Variants in MGAT4C observed in about 807,000 individuals in gnomAD.
The protein encoded by MGAT4C is alpha-1,3-mannosyl-glycoprotein 4-beta-N-acetylglucosaminyltransferase C.
Under a neutral mutation model 40.1 loss-of-function variants are expected in MGAT4C, and 19 were observed. The observed-to-expected ratio is 0.47, with a 90% CI of 0.33 to 0.70. MGAT4C has a LOEUF of 0.70. Ranked by LOEUF, MGAT4C falls within the 30% of genes least tolerant of loss-of-function variation. The pLI, the probability that MGAT4C is intolerant of heterozygous loss-of-function variation, is 0.02. For synonymous variants in MGAT4C, 181 were observed against 187.1 expected (o/e 0.97, Z 0.27); for missense variants, 491 against 563.2 (o/e 0.87, Z 1.30).
intron 3 of MGAT4C, among the ~76,000 whole-genome samples, chr12:86,405,883 C>G (rs1252782663): frequency 1.4e-5 from 2 of 142,608 alleles, no homozygotes; most frequent in Non-Finnish European, 3.0e-5. Flanking sequence ...ACAAATGGTG[C>G]TGAAACAACT....
At chr12:86,434,730 A>G (rs185687444) in intron 3 of MGAT4C, among the ~76,000 whole-genome samples, 2 of 152,070 alleles carry the variant, frequency 1.3e-5, no homozygotes, top group South Asian at 2.1e-4. Flanking sequence ...TCTGCAAGTG[A>G]ATCCAAAGGC....
intron 2 of MGAT4C, among the ~76,000 whole-genome samples, chr12:86,492,954 AAAAC>A (rs1164535112): frequency 2.6e-5 from 4 of 152,062 alleles, no homozygotes; most frequent in East Asian, 1.9e-4. Flanking sequence ...TTACAAGAAA[AAAAC>A]AAACAACCCC....
chr12:86,549,672 C>A (rs571199204), intron 2 of MGAT4C, among the ~76,000 whole-genome samples: 2 of 152,128 alleles, frequency 1.3e-5, no homozygotes, highest in Non-Finnish European at 2.9e-5. Flanking sequence ...GTCAGCAAGA[C>A]GCCTCAGAAG....
intron 1 of MGAT4C, among the ~76,000 whole-genome samples, chr12:86,232,635 G>A (rs1302976173): frequency 2.0e-5 from 3 of 152,140 alleles, no homozygotes; most frequent in East Asian, 1.9e-4. Flanking sequence ...GAAGGGAGCC[G>A]AATACAAGTG....
chr12:86,220,881 A>G (rs1333630791), intron 1 of MGAT4C, among the ~76,000 whole-genome samples: 1 of 152,216 alleles, frequency 6.6e-6, no homozygotes, highest in Admixed American at 6.5e-5. Flanking sequence ...CTGGCTTAGC[A>G]TAATGTAAAT....
chr12:86,664,740 C>A (rs1296858569), intron 2 of MGAT4C, among the ~76,000 whole-genome samples: 2 of 152,146 alleles, frequency 1.3e-5, no homozygotes, highest in Admixed American at 6.5e-5. Context: ...CAAATTACTA[C>A]AAATCTGTAG....
chr12:86,540,642 A>G (rs1452585468), intron 2 of MGAT4C, among the ~76,000 whole-genome samples: 1 of 152,158 alleles, frequency 6.6e-6, no homozygotes, highest in African/African-American at 2.4e-5. Context: ...AGGCTGAGGC[A>G]GAAGAATCTC....
intron 2 of MGAT4C, among the ~76,000 whole-genome samples, chr12:86,491,536 G>C (rs1958135288): frequency 6.6e-6 from 1 of 151,854 alleles, no homozygotes; most frequent in Non-Finnish European, 1.5e-5. Context: ...CAGAACCAAA[G>C]ACAAAAACCA....
At chr12:86,198,122 A>C (rs1326743836) in intron 1 of MGAT4C, among the ~76,000 whole-genome samples, 2 of 152,214 alleles carry the variant, frequency 1.3e-5, no homozygotes, top group South Asian at 2.1e-4. Context: ...TAATGGAATA[A>C]AGTTTAGTAA....
intron 2 of MGAT4C, among the ~76,000 whole-genome samples, chr12:86,696,801 T>C (rs978647576): frequency 6.6e-6 from 1 of 152,188 alleles, no homozygotes; most frequent in Non-Finnish European, 1.5e-5. Flanking sequence ...AGTTTTTTTT[T>C]AATATGAGCC....
chr12:86,036,815 G>A (rs879896608), intron 2 of MGAT4C, among the ~76,000 whole-genome samples: 1 of 149,994 alleles, frequency 6.7e-6, no homozygotes, highest in Non-Finnish European at 1.5e-5. Context: ...CATAAAATGA[G>A]TTAGGGAGGT....
chr12:86,836,930 T>A (rs1436157658), intron 1 of MGAT4C, among the ~76,000 whole-genome samples: 1 of 152,102 alleles, frequency 6.6e-6, no homozygotes, highest in Non-Finnish European at 1.5e-5. Context: ...GTTTGAGATT[T>A]TCGGAAGAGT....
intron 2 of MGAT4C, among the ~76,000 whole-genome samples, chr12:86,709,728 T>A (rs1426752595): frequency 6.6e-6 from 1 of 152,116 alleles, no homozygotes; most frequent in South Asian, 2.1e-4. Flanking sequence ...CATTTTAAAA[T>A]AAGTATTTCT....
chr12:86,492,371 G>C (rs530655881), intron 2 of MGAT4C, among the ~76,000 whole-genome samples: 25 of 152,118 alleles, frequency 1.6e-4, no homozygotes, highest in Non-Finnish European at 3.5e-4. Context: ...AAAGCTGGAG[G>C]CATCACACTA....
rs188188176 is a variant in MGAT4C, at chr12:85,964,471, C to T, written c.*14818G>A. 2 of 152,160 alleles carry T rather than the reference C, an allele frequency of 1.3e-5. No individual in the cohort carries two copies. The highest frequency in any genetic ancestry group is 2.4e-5 in the African/African-American group (1 of 41,544). 9.4% of individuals were successfully genotyped at this position (152,160 alleles called of 1,614,324 possible). A position where few individuals can be genotyped will look rare whatever the true frequency, so the allele number is the denominator to read the frequency against. ...CATTCTATTTCAGGTTCTTAAGCAA[C>T]ATTCCTAAGACTAGAACCTTATCTT... On this transcript the variant is annotated 3_prime_UTR_variant, in exon 5 of 5. Coordinates refer to ENST00000611864, the MANE Select transcript of MGAT4C (RefSeq NM_001351288.2).
chr12:86,441,159 A>G (rs1375437966), intron 2 of MGAT4C, among the ~76,000 whole-genome samples: 16 of 151,968 alleles, frequency 1.1e-4, no homozygotes. Context: ...AATAGCAAAA[A>G]CAATTCTAAG....
At chr12:86,488,439 C>CA (rs1958067994) in intron 2 of MGAT4C, among the ~76,000 whole-genome samples, 1 of 148,616 alleles carries the variant, frequency 6.7e-6, no homozygotes. Context: ...AAAAAAAAAA[C>CA]AAAAAACCCA....
chr12:86,204,286 T>C (rs1025480666), intron 1 of MGAT4C, among the ~76,000 whole-genome samples: 4 of 151,976 alleles, frequency 2.6e-5, no homozygotes, highest in Non-Finnish European at 5.9e-5. Flanking sequence ...CAAAAGGTTA[T>C]AGTATGTGAG....
chr12:86,689,254 C>T (rs1334209137), intron 2 of MGAT4C, among the ~76,000 whole-genome samples: 1 of 152,126 alleles, frequency 6.6e-6, no homozygotes, highest in Non-Finnish European at 1.5e-5. Flanking sequence ...AACCTTTTGT[C>T]AAGGTTCTTA....
Sources: allele counts gnomAD v4.1 joint callset (sites outside exome capture counted in the v4.1 genomes callset), GRCh38; gene constraint gnomAD v4.1.1; transcripts MANE v1.5; gene names NCBI Gene and HGNC (gene_info 2026-07-23, HGNC 2026-07-21).